TRERF1: variants seen among roughly 807,000 people sequenced by gnomAD.
TRERF1 encodes the protein transcriptional regulating factor 1.
TRERF1 carries 27 observed loss-of-function variants against 122.9 expected under a neutral mutation model. The observed-to-expected ratio is 0.22, with a 90% CI of 0.16 to 0.30. The LOEUF is 0.30. Ranked by LOEUF, TRERF1 falls within the 10% of genes least tolerant of loss-of-function variation. The pLI is 1.00. For missense variants in TRERF1, 1,248 were observed against 1,560.3 expected (o/e 0.80, Z 3.37); for synonymous variants, 636 against 641.7 (o/e 0.99, Z 0.13).
chr6:42,282,011 T>C (rs1262170704), intron 4 of TRERF1, among the ~76,000 whole-genome samples: 2 of 151,652 alleles, frequency 1.3e-5, no homozygotes, highest in Admixed American at 1.3e-4. Flanking sequence ...TACCCAGGAG[T>C]AGAGGAAGGT....
At chr6:42,384,653 T>C (rs1776491791) in intron 2 of TRERF1, among the ~76,000 whole-genome samples, 1 of 152,214 alleles carries the variant, frequency 6.6e-6, no homozygotes, top group South Asian at 2.1e-4. Flanking sequence ...AAAAAGTTTC[T>C]AAGTAACTGA....
At chr6:42,392,726 A>G (rs79502606) in intron 2 of TRERF1, among the ~76,000 whole-genome samples, 1,737 of 152,252 alleles carry the variant, frequency 0.011, 24 homozygotes, top group African/African-American at 0.039. Flanking sequence ...CCCAGCAATT[A>G]AAGTCTTCAA....
intron 2 of TRERF1, among the ~76,000 whole-genome samples, chr6:42,364,633 G>A (rs1253635157): frequency 6.6e-6 from 1 of 152,252 alleles, no homozygotes. Flanking sequence ...TGTCCGTTGT[G>A]TGTGGCAACA....
intron 2 of TRERF1, among the ~76,000 whole-genome samples, chr6:42,384,857 TGCAGTG>T (rs1317163014): frequency 1.3e-5 from 2 of 152,074 alleles, no homozygotes; most frequent in Admixed American, 1.3e-4. Context: ...CAGGCTGGAG[TGCAGTG>T]GCACGATCTC....
intron 3 of TRERF1, among the ~76,000 whole-genome samples, chr6:42,301,844 A>G (rs545498129): frequency 1.3e-5 from 2 of 152,306 alleles, no homozygotes; most frequent in East Asian, 3.9e-4. Context: ...TGTCTAGCTG[A>G]TATGTTCAGA....
At position 42,346,043 on chromosome 6, in the gene TRERF1, T is replaced by C. The variant is rs577213320; in HGVS notation, c.-371+16954A>G. On this transcript the variant is annotated intron_variant, in intron 3 of 17. Coordinates refer to ENST00000372922, the Ensembl canonical transcript of TRERF1. ...ACACAAGAAACAAGGAAGAAAACAA[T>C]TGCACTCCCTTAACGGCACAGTGCT... Among the ~76,000 whole-genome samples, 21 of 152,358 alleles carry C rather than the reference T, an allele frequency of 1.4e-4. No individual in the cohort carries two copies. In the East Asian group the frequency reaches 1.5e-3, roughly 11 times the overall value.
At chr6:42,286,377 C>A (rs1331697024) in intron 4 of TRERF1, among the ~76,000 whole-genome samples, 1 of 141,236 alleles carries the variant, frequency 7.1e-6, no homozygotes, top group East Asian at 2.1e-4. Flanking sequence ...GGAGAAAATT[C>A]TTGCAACCTA....
intron 3 of TRERF1, among the ~76,000 whole-genome samples, chr6:42,337,413 T>C (rs1031283732): frequency 6.6e-5 from 10 of 152,224 alleles, no homozygotes; most frequent in South Asian, 2.1e-4. Flanking sequence ...CTGAGGCCCC[T>C]GCGGTTTTTC....
chr6:42,447,994 G>A (rs260244), intron 2 of TRERF1, among the ~76,000 whole-genome samples: 3,358 of 152,154 alleles, frequency 0.022, 60 homozygotes, highest in African/African-American at 0.045. Flanking sequence ...ATGAGCCACC[G>A]CGCCCAGCCC....
At chr6:42,291,318 C>T (rs577365339) in intron 4 of TRERF1, among the ~76,000 whole-genome samples, 2 of 152,154 alleles carry the variant, frequency 1.3e-5, no homozygotes, top group East Asian at 3.9e-4. Context: ...TTTTGAAGGG[C>T]CAAGGAGAGA....
intron 3 of TRERF1, among the ~76,000 whole-genome samples, chr6:42,313,616 C>T (rs1030856984): frequency 5.3e-5 from 8 of 152,104 alleles, no homozygotes; most frequent in Non-Finnish European, 1.2e-4. Context: ...GGCCCCAGAA[C>T]AAGGAATTCC....
intron 3 of TRERF1, among the ~76,000 whole-genome samples, chr6:42,345,895 G>A (rs957317581): frequency 1.1e-4 from 16 of 152,160 alleles, no homozygotes; most frequent in African/African-American, 3.4e-4. Flanking sequence ...GTAAATCACC[G>A]AGGTGCCATT....
chr6:42,335,040 C>T (rs1378953190), intron 3 of TRERF1, among the ~76,000 whole-genome samples: 12 of 152,230 alleles, frequency 7.9e-5, no homozygotes, highest in Admixed American at 5.9e-4. Context: ...CATTATCAGG[C>T]TACGTGGCAC....
intron 16 of TRERF1, among the ~76,000 whole-genome samples, chr6:42,234,820 C>T (rs910706930): frequency 7.9e-5 from 12 of 152,144 alleles, no homozygotes; most frequent in African/African-American, 2.9e-4. Context: ...AAATATCTAA[C>T]TTGCTGAGCA....
In TRERF1 at chr6:42,301,942, C is replaced by A. The variant is rs148657872; in HGVS notation, c.-370-1193G>T. 5.3e-3 allele frequency among the ~76,000 whole-genome samples: 809 copies of A among 152,306 alleles called. 6 individuals are homozygous for A. Among genetic ancestry groups the A allele is most frequent in the Non-Finnish European group, 9.4e-3 (638 of 68,016 alleles). On this transcript the variant is annotated intron_variant, in intron 3 of 17. Transcript: ENST00000372922. ...GAGAGTCTCTCTTTGGGAAGGAGAA[C>A]CACAGCAGGAGCTTTGGGAAAGTGT... is the stretch of plus-strand genomic sequence containing the variant.
chr6:42,293,690 C>G (rs965330252), intron 4 of TRERF1, among the ~76,000 whole-genome samples: 1 of 151,922 alleles, frequency 6.6e-6, no homozygotes, highest in African/African-American at 2.4e-5. Context: ...CACAGGAAAT[C>G]TAAACATTTT....
intron 4 of TRERF1, among the ~76,000 whole-genome samples, chr6:42,297,069 A>G (rs1785231536): frequency 6.6e-6 from 1 of 152,172 alleles, no homozygotes; most frequent in Non-Finnish European, 1.5e-5. Context: ...GGGAGAGAGG[A>G]GAGGAGAGGG....
At chr6:42,376,992 A>G (rs927749226) in intron 2 of TRERF1, among the ~76,000 whole-genome samples, 3 of 151,840 alleles carry the variant, frequency 2.0e-5, no homozygotes, top group Non-Finnish European at 2.9e-5. Flanking sequence ...CAGCCTCCCA[A>G]GTAGCTGGAA....
At chr6:42,243,124 T>C in intron 15 of TRERF1, 124 bp downstream of exon 15, 1 of 764,462 alleles carries the variant, frequency 1.3e-6, no homozygotes, top group South Asian at 1.6e-5. Flanking sequence ...AGAGCTGGGC[T>C]GTTGTCACCT....
Sources: allele counts gnomAD v4.1 joint callset (sites outside exome capture counted in the v4.1 genomes callset), GRCh38; gene constraint gnomAD v4.1.1; transcripts MANE v1.5; gene names NCBI Gene and HGNC (gene_info 2026-07-23, HGNC 2026-07-21).